The following RBM39 variants were observed in gnomAD, a reference collection of about 807,000 sequenced individuals.
RBM39 encodes RNA-binding protein 39.
RBM39 carries 12 observed loss-of-function variants against 79.6 expected under a neutral mutation model. That is an observed-to-expected ratio of 0.15 (90% CI 0.10 to 0.24). The LOEUF (loss-of-function observed/expected upper bound fraction) is 0.24. RBM39 is among the 10% of genes least tolerant of loss of function. The probability of loss-of-function intolerance (pLI) is 1.00; values close to 1 mark genes in which losing one functional copy is unlikely to be tolerated. For missense variants in RBM39, 243 were observed against 653.4 expected (o/e 0.37, Z 6.85); for synonymous variants, 185 against 208.4 (o/e 0.89, Z 0.97).
intron 8 of RBM39, 79 bp from the exon 9 acceptor site, chr20:35,721,956 A>G: frequency 6.7e-7 from 1 of 1,487,960 alleles, no homozygotes; most frequent in Non-Finnish European, 9.3e-7. Flanking sequence ...CATAACAACT[A>G]ATGTTAAAGT....
At chr20:35,735,114 T>C (rs2039771219) in intron 3 of RBM39, 2 of 1,489,772 alleles carry the variant, frequency 1.3e-6, no homozygotes, top group African/African-American at 2.8e-5. Context: ...GAAAAGTCAT[T>C]TATTCCAAAA....
intron 6 of RBM39, among the ~76,000 whole-genome samples, chr20:35,728,413 C>T (rs1901028853): frequency 6.6e-6 from 1 of 152,166 alleles, no homozygotes; most frequent in African/African-American, 2.4e-5. Flanking sequence ...TATACATAAT[C>T]ATTACATGTC....
rs1171310686 is a variant in RBM39, at chr20:35,703,767, T to G, written c.*714A>C. On this transcript the variant is annotated 3_prime_UTR_variant, in exon 17 of 17. Transcript: ENST00000253363. ...CACAGAGCTTAAAAAGAGCAAAGATTATATGCAACCAGACAAAACCTATTT... is the reference window on the plus strand; with the variant it reads ...CACAGAGCTTAAAAAGAGCAAAGATGATATGCAACCAGACAAAACCTATTT... 6.6e-6 allele frequency: 1 copy of G among 152,612 alleles called. No homozygotes were observed. Among genetic ancestry groups the G allele is most frequent in the Non-Finnish European group, 1.5e-5 (1 of 68,036 alleles). 9.5% of individuals were successfully genotyped at this position (152,612 alleles called of 1,614,324 possible).
At chr20:35,715,843 T>A (rs765472489) in intron 10 of RBM39, among the ~76,000 whole-genome samples, 17 of 151,904 alleles carry the variant, frequency 1.1e-4, no homozygotes, top group Non-Finnish European at 1.8e-4. Flanking sequence ...TAGGCGAGGG[T>A]CCTTGCTCTG....
At position 35,704,292 on chromosome 20, in the gene RBM39, G is replaced by T; in HGVS notation, c.*189C>A. On this transcript the variant is annotated 3_prime_UTR_variant, in exon 17 of 17. Coordinates refer to ENST00000253363, the MANE Select transcript of RBM39 (RefSeq NM_184234.3). ...CAAGAGAACAGTTTTGTATACAGTG[G>T]GATTTACTATTTAGGGAGAATGAGC... 1 of 486,858 alleles carries T rather than the reference G, an allele frequency of 2.1e-6. No homozygotes were observed. Among genetic ancestry groups the T allele is most frequent in the East Asian group, 3.5e-5 (1 of 28,282 alleles). 30.2% of individuals were successfully genotyped at this position (486,858 alleles called of 1,614,324 possible). A position where few individuals can be genotyped will look rare whatever the true frequency, so the allele number is the denominator to read the frequency against.
Position 35,702,597 on chromosome 20 carries a change from A to T in RBM39, c.*1884T>A, listed in dbSNP as rs1186667149. 2.0e-5 allele frequency: 3 copies of T among 152,190 alleles called. No individual in the cohort carries two copies. Among genetic ancestry groups the T allele is most frequent in the Non-Finnish European group, 4.4e-5 (3 of 68,036 alleles). 9.4% of individuals were successfully genotyped at this position (152,190 alleles called of 1,614,324 possible). ...CTTTGGAAAAAGAGCACACTGACAG[A>T]GTGTCTCTGCCCCAAAGAACTCTGC... On this transcript the variant is annotated 3_prime_UTR_variant, in exon 17 of 17. Coordinates refer to ENST00000253363, the MANE Select transcript of RBM39 (RefSeq NM_184234.3).
At chr20:35,731,775 C>G in intron 4 of RBM39, 166 bp downstream of exon 4, 1 of 719,420 alleles carries the variant, frequency 1.4e-6, no homozygotes, top group Non-Finnish European at 2.3e-6. Context: ...TGTCTATGCA[C>G]TGTATTTTCA....
rs572102658 is a variant in RBM39 at position 35,741,030 on chromosome 20, CTTTTTTTT to C, written c.-13-151_-13-144del. The C allele has an allele frequency of 9.2e-4, 117 of 127,180 alleles. 1 individual carries two copies. The highest frequency in any genetic ancestry group is 6.5e-3 in the East Asian group (23 of 3,528). 7.9% of individuals were successfully genotyped at this position (127,180 alleles called of 1,614,324 possible). A position where few individuals can be genotyped will look rare whatever the true frequency, so the allele number is the denominator to read the frequency against. On this transcript the variant is annotated intron_variant, in intron 1 of 16. Coordinates refer to ENST00000253363, the MANE Select transcript of RBM39 (RefSeq NM_184234.3). ...GACGATTCCGTGAGTAAACATTTTT[CTTTTTTTT>C]TTTTTTTTTTTTTGAGACGGAGTTT...
intron 3 of RBM39, among the ~76,000 whole-genome samples, chr20:35,733,737 T>C (rs2039624502): frequency 6.6e-6 from 1 of 152,252 alleles, no homozygotes; most frequent in Non-Finnish European, 1.5e-5. Flanking sequence ...ATGCCATTTT[T>C]AAGCCAGTTT....
chr20:35,720,688 T>C (rs1025202361), intron 9 of RBM39, among the ~76,000 whole-genome samples: 5 of 151,904 alleles, frequency 3.3e-5, no homozygotes, highest in Admixed American at 1.3e-4. Flanking sequence ...AGAGAATCGC[T>C]TGAACACAGA....
intron 1 of RBM39, 29 bp from the exon 2 acceptor site, chr20:35,740,916 G>C (rs763861403): frequency 2.0e-5 from 30 of 1,498,620 alleles, no homozygotes; most frequent in African/African-American, 2.8e-5. Context: ...AATTTCTTGA[G>C]TAAACATTTC....
chr20:35,720,931 C>T (rs564178177), intron 9 of RBM39, among the ~76,000 whole-genome samples: 1 of 152,244 alleles, frequency 6.6e-6, no homozygotes, highest in South Asian at 2.1e-4. Flanking sequence ...GAGCACATAA[C>T]CAGGGAGACA....
chr20:35,728,437 A>G (rs2039000978), intron 6 of RBM39, among the ~76,000 whole-genome samples: 1 of 152,252 alleles, frequency 6.6e-6, no homozygotes, highest in South Asian at 2.1e-4. Flanking sequence ...TAAAAATAAT[A>G]AATGCAAAAA....
chr20:35,705,964 A>G (rs1249206059), intron 14 of RBM39, among the ~76,000 whole-genome samples: 2 of 152,012 alleles, frequency 1.3e-5, no homozygotes, highest in African/African-American at 4.8e-5. Context: ...CACTTTGGGA[A>G]GCTGAGGCGG....
intron 12 of RBM39, chr20:35,710,530 T>TA (rs2146509051): frequency 6.6e-6 from 1 of 152,140 alleles, no homozygotes; most frequent in African/African-American, 2.4e-5. Context: ...AAGTGAAAAA[T>TA]AAAGCATGGT....
chr20:35,739,295 C>G, intron 2 of RBM39: 1 of 463,632 alleles, frequency 2.2e-6, no homozygotes, highest in South Asian at 2.0e-5. Context: ...AAAAGTTATC[C>G]AGATTTACAA....
intron 1 of RBM39, 143 bp from the exon 2 acceptor site, chr20:35,741,030 C>CTTTTT (rs572102658): frequency 0.041 from 5,162 of 126,360 alleles, 973 homozygotes; most frequent in African/African-American, 0.14. Flanking sequence ...AAACATTTTT[C>CTTTTT]TTTTTTTTTT....
At chr20:35,737,431 G>A (rs971030095) in intron 3 of RBM39, among the ~76,000 whole-genome samples, 5 of 150,710 alleles carry the variant, frequency 3.3e-5, no homozygotes, top group African/African-American at 9.8e-5. Context: ...GTGGTGGCAG[G>A]AACCTGTAAT....
chr20:35,720,927 A>G (rs1251859545), intron 9 of RBM39, among the ~76,000 whole-genome samples: 1 of 152,220 alleles, frequency 6.6e-6, no homozygotes, highest in Non-Finnish European at 1.5e-5. Flanking sequence ...AACTGAGCAC[A>G]TAACCAGGGA....
Sources: allele counts gnomAD v4.1 joint callset (sites outside exome capture counted in the v4.1 genomes callset), GRCh38; gene constraint gnomAD v4.1.1; transcripts MANE v1.5; gene names NCBI Gene and HGNC (gene_info 2026-07-23, HGNC 2026-07-21).